The following SPATA16 variants were observed in gnomAD, a reference collection of about 807,000 sequenced individuals.
SPATA16 encodes the protein spermatogenesis-associated protein 16.
A neutral mutation model predicts 63.3 loss-of-function variants in SPATA16; 36 were observed. The ratio of observed to expected loss-of-function variants is 0.57; its 90% confidence interval spans 0.44 to 0.75. SPATA16 has a LOEUF of 0.75. Ranked by LOEUF, SPATA16 falls within the 30% of genes least tolerant of loss-of-function variation. The probability of loss-of-function intolerance (pLI) is 0.00; values close to 1 mark genes in which losing one functional copy is unlikely to be tolerated. For synonymous variants in SPATA16, 203 were observed against 216.7 expected, an observed-to-expected ratio of 0.94 and a Z score of 0.56; for missense variants, 646 against 679.3, an observed-to-expected ratio of 0.95 and a Z score of 0.54.
intron 2 of SPATA16, among the ~76,000 whole-genome samples, chr3:173,080,448 T>A (rs1736898259): frequency 7.0e-6 from 1 of 142,872 alleles, no homozygotes. Flanking sequence ...GGTGAAGACA[T>A]CTTGTGCCTT....
intron 4 of SPATA16, among the ~76,000 whole-genome samples, chr3:173,015,405 AT>A (rs1018154491): frequency 2.3e-4 from 35 of 152,140 alleles, no homozygotes; most frequent in African/African-American, 8.0e-4. Context: ...ACTTTGTTGC[AT>A]TTTTTCTTTA....
chr3:172,891,741 C>T (rs1256372556), intron 10 of SPATA16, among the ~76,000 whole-genome samples: 2 of 152,130 alleles, frequency 1.3e-5, no homozygotes, highest in Admixed American at 6.5e-5. Flanking sequence ...TTGTTCTATG[C>T]CCCCTCGATC....
At chr3:172,992,816 T>C (rs1232321909) in intron 4 of SPATA16, among the ~76,000 whole-genome samples, 1 of 152,112 alleles carries the variant, frequency 6.6e-6, no homozygotes. Context: ...GGGTTGGAGC[T>C]TGCACCCCTG....
At position 173,117,218 on chromosome 3, in the gene SPATA16, T is replaced by A. The variant is rs1737923700; in HGVS notation, c.514A>T (p.Ile172Phe). The A allele has an allele frequency of 6.2e-7, 1 of 1,614,176 alleles. No individual in the cohort carries two copies. The highest frequency in any genetic ancestry group is 2.2e-5 in the East Asian group (1 of 44,880). The change falls in exon 2 of 11, where the codon ATT (isoleucine) becomes TTT (phenylalanine). Residue 172 changes from isoleucine (I) to phenylalanine (F), a missense_variant. Transcript: ENST00000351008. ...SVHNFSFLPQ[I>F]DKWLQVALKD... ...AAGGCTACCTGAAGCCATTTGTCAA[T>A]CTGAGGCAGAAAGCTGAAATTATGT...
chr3:173,065,139 T>C (rs1452310985), intron 2 of SPATA16, among the ~76,000 whole-genome samples: 3 of 152,236 alleles, frequency 2.0e-5, no homozygotes, highest in Non-Finnish European at 4.4e-5. Flanking sequence ...ATATGCTTCA[T>C]TGTAGGGCTA....
At chr3:173,141,008 T>G (rs971956451) in intron 1 of SPATA16, 95 bp downstream of exon 1, 3 of 152,320 alleles carry the variant, frequency 2.0e-5, no homozygotes, top group African/African-American at 7.2e-5. Flanking sequence ...CCCAGCTTAC[T>G]CCATCTTCAC....
At chr3:172,917,505 G>A (rs1732522134) in intron 8 of SPATA16, among the ~76,000 whole-genome samples, 1 of 152,160 alleles carries the variant, frequency 6.6e-6, no homozygotes, top group Non-Finnish European at 1.5e-5. Context: ...GCCTACACCA[G>A]AATCACTATG....
intron 2 of SPATA16, among the ~76,000 whole-genome samples, chr3:173,096,212 G>A (rs73046911): frequency 0.012 from 1,807 of 152,120 alleles, 36 homozygotes; most frequent in African/African-American, 0.042. Context: ...TTGGGTCAGC[G>A]CTGGCACTAT....
intron 2 of SPATA16, among the ~76,000 whole-genome samples, chr3:173,098,472 A>C (rs141872945): frequency 1.1e-4 from 16 of 152,324 alleles, no homozygotes; most frequent in Admixed American, 2.0e-4. Flanking sequence ...ACCAGAAATC[A>C]TAAATGCCTT....
intron 6 of SPATA16, among the ~76,000 whole-genome samples, chr3:172,928,887 A>G (rs1732800267): frequency 6.6e-6 from 1 of 152,130 alleles, no homozygotes; most frequent in Non-Finnish European, 1.5e-5. Flanking sequence ...ATGCAGGGTA[A>G]ATTGCTGTTG....
intron 2 of SPATA16, among the ~76,000 whole-genome samples, chr3:173,106,952 G>T (rs956638869): frequency 1.3e-5 from 2 of 152,146 alleles, no homozygotes; most frequent in African/African-American, 4.8e-5. Flanking sequence ...GAATTAGATA[G>T]GTTAATATAG....
chr3:173,101,386 C>A (rs1028512458), intron 2 of SPATA16, among the ~76,000 whole-genome samples: 13 of 152,158 alleles, frequency 8.5e-5, no homozygotes, highest in African/African-American at 2.9e-4. Context: ...TTTGAATATT[C>A]TCTCCACCGT....
chr3:173,041,754 C>A (rs1735844540), intron 3 of SPATA16, among the ~76,000 whole-genome samples: 1 of 151,586 alleles, frequency 6.6e-6, no homozygotes, highest in Non-Finnish European at 1.5e-5. Flanking sequence ...AAATTTTAAA[C>A]CCTCAGTTCT....
chr3:173,088,532 CTT>C (rs1376138805), intron 2 of SPATA16, among the ~76,000 whole-genome samples: 1 of 152,022 alleles, frequency 6.6e-6, no homozygotes, highest in African/African-American at 2.4e-5. Context: ...TTTATACACA[CTT>C]ATGATTATAT....
At chr3:172,952,492 A>G (rs941857209) in intron 6 of SPATA16, among the ~76,000 whole-genome samples, 31 of 152,060 alleles carry the variant, frequency 2.0e-4, no homozygotes, top group African/African-American at 6.8e-4. Flanking sequence ...GTGGATGGGG[A>G]AAGAGAATTT....
chr3:173,088,003 T>TGGAAA (rs1737103994), intron 2 of SPATA16, among the ~76,000 whole-genome samples: 1 of 143,110 alleles, frequency 7.0e-6, no homozygotes, highest in African/African-American at 2.9e-5. Flanking sequence ...TAGCATTTTC[T>TGGAAA]TTCCGTCTTT....
chr3:173,010,917 C>G (rs1735057952), intron 4 of SPATA16, among the ~76,000 whole-genome samples: 1 of 151,974 alleles, frequency 6.6e-6, no homozygotes, highest in Non-Finnish European at 1.5e-5. Flanking sequence ...AGACCAATAT[C>G]GAGTTCCAAA....
At chr3:173,112,078 T>C (rs1737763327) in intron 2 of SPATA16, among the ~76,000 whole-genome samples, 1 of 152,174 alleles carries the variant, frequency 6.6e-6, no homozygotes, top group Non-Finnish European at 1.5e-5. Flanking sequence ...TAGATGGTAA[T>C]TTTTGTAATG....
intron 5 of SPATA16, among the ~76,000 whole-genome samples, chr3:172,970,826 T>C (rs1734031666): frequency 6.6e-6 from 1 of 152,192 alleles, no homozygotes; most frequent in Non-Finnish European, 1.5e-5. Flanking sequence ...TTGTTAAAGA[T>C]AAAAAATATT....
Sources: allele counts gnomAD v4.1 joint callset (sites outside exome capture counted in the v4.1 genomes callset), GRCh38; gene constraint gnomAD v4.1.1; transcripts MANE v1.5; gene names NCBI Gene and HGNC (gene_info 2026-07-23, HGNC 2026-07-21).